The following IQGAP2 variants were observed in gnomAD, a reference collection of about 807,000 sequenced individuals.
IQGAP2 encodes ras GTPase-activating-like protein IQGAP2.
A neutral mutation model predicts 201.3 loss-of-function variants in IQGAP2; 173 were observed. The observed-to-expected ratio is 0.86, with a 90% CI of 0.76 to 0.98. The LOEUF is 0.98. IQGAP2 is among the 50% of genes least tolerant of loss of function. The probability of loss-of-function intolerance (pLI) is 0.00; values close to 1 mark genes in which losing one functional copy is unlikely to be tolerated. For synonymous variants in IQGAP2, 675 were observed against 673.9 expected (o/e 1.00, Z -0.03); for missense variants, 1,687 against 1,864.8 (o/e 0.90, Z 1.76).
chr5:76,503,594 TTTTA>T (rs1757421399), intron 2 of IQGAP2, among the ~76,000 whole-genome samples: 1 of 151,934 alleles, frequency 6.6e-6, no homozygotes, highest in Non-Finnish European at 1.5e-5. Context: ...TTTTTAAAAA[TTTTA>T]TTTATTTTTT....
rs115687645 is a variant in IQGAP2, at chr5:76,625,868, A to G, written c.1522-1542A>G. On this transcript the variant is annotated intron_variant, in intron 13 of 35. Transcript: ENST00000274364. ...TAGAACACGACACTTATTCCTACACATAGGTAAAATGTTCCCATTTGTTAA... is the reference window on the plus strand; with the variant it reads ...TAGAACACGACACTTATTCCTACACGTAGGTAAAATGTTCCCATTTGTTAA... 7.9e-3 allele frequency among the ~76,000 whole-genome samples: 1,200 copies of G among 152,334 alleles called. 15 individuals are homozygous for G. The highest frequency in any genetic ancestry group is 0.027 in the African/African-American group (1,127 of 41,568).
chr5:76,633,449 A>G (rs1022641712), intron 15 of IQGAP2, among the ~76,000 whole-genome samples: 4 of 152,116 alleles, frequency 2.6e-5, no homozygotes, highest in African/African-American at 7.2e-5. Context: ...TAAGTATTTT[A>G]TCATTTTTAT....
chr5:76,430,328 A>G (rs1447086820), intron 1 of IQGAP2, among the ~76,000 whole-genome samples: 1 of 152,188 alleles, frequency 6.6e-6, no homozygotes, highest in Non-Finnish European at 1.5e-5. Flanking sequence ...GGGGGCTGGA[A>G]TCATCTGGAA....
intron 25 of IQGAP2, 128 bp downstream of exon 25, chr5:76,673,717 C>T (rs962196472): frequency 3.0e-6 from 3 of 997,688 alleles, no homozygotes; most frequent in Non-Finnish European, 3.0e-6. Context: ...AAAAGATTGC[C>T]TACATTTACC....
chr5:76,437,688 C>A (rs992663407), intron 1 of IQGAP2, among the ~76,000 whole-genome samples: 2 of 152,152 alleles, frequency 1.3e-5, no homozygotes, highest in Admixed American at 1.3e-4. Context: ...CATCCATGTC[C>A]CTGCAAAGGA....
At chr5:76,676,200 ATTCT>A (rs1235995061) in intron 27 of IQGAP2, among the ~76,000 whole-genome samples, 1 of 152,042 alleles carries the variant, frequency 6.6e-6, no homozygotes, top group Non-Finnish European at 1.5e-5. Flanking sequence ...GTTCCCACCT[ATTCT>A]TTATTTAAAA....
chr5:76,647,823 CCACACACACACA>C (rs374577768), intron 17 of IQGAP2, among the ~76,000 whole-genome samples: 18 of 62,582 alleles, frequency 2.9e-4, no homozygotes, highest in African/African-American at 7.7e-4. Context: ...TAGCCAAACA[CCACACACACACA>C]CACACACACA....
At chr5:76,429,355 G>A (rs972795603) in intron 1 of IQGAP2, among the ~76,000 whole-genome samples, 13 of 151,338 alleles carry the variant, frequency 8.6e-5, no homozygotes, top group African/African-American at 2.4e-4. Flanking sequence ...GGCAGATCAC[G>A]AGGTCCGGAG....
In IQGAP2 at chr5:76,403,453, C is replaced by T; in HGVS notation, c.-93C>T. On this transcript the variant is annotated 5_prime_UTR_variant, in exon 1 of 36. Transcript: ENST00000274364. The surrounding 1 kb of genome is among the most constrained non-coding windows in gnomAD (Gnocchi z 4.8). ...GGGGAAATCGGCGAGAGGCGGGATC[C>T]GAGCGCGCCGGCGGGGCGCAGAGCC... 2.0e-6 allele frequency: 2 copies of T among 983,212 alleles called. No individual in the cohort carries two copies. Among genetic ancestry groups the T allele is most frequent in the East Asian group, 3.4e-5 (1 of 29,666 alleles). The allele number at this position is 983,212 out of a possible 1,614,324, so 60.9% of individuals were successfully genotyped here.
At chr5:76,629,457 T>C (rs2910822) in intron 14 of IQGAP2, among the ~76,000 whole-genome samples, 140,633 of 152,282 alleles carry the variant, frequency 0.92, 65,189 homozygotes, top group Middle Eastern at 0.97. Flanking sequence ...CATTTTGGCC[T>C]AGTGTTCACA....
chr5:76,703,190 C>T (rs1747573034), intron 35 of IQGAP2, among the ~76,000 whole-genome samples: 2 of 151,950 alleles, frequency 1.3e-5, no homozygotes, highest in South Asian at 4.2e-4. Context: ...GGGTCTTGCT[C>T]TGTCGCCCAG....
rs185129010 is a variant in IQGAP2, at chr5:76,618,332, G to A, written c.1521+7149G>A. 2.2e-5 allele frequency: 35 copies of A among 1,614,174 alleles called. No homozygotes were observed. The East Asian group carries it at 7.6e-4, about 35-fold the overall frequency. On this transcript the variant is annotated intron_variant, in intron 13 of 35. Transcript: ENST00000274364. The stretch of plus-strand genomic sequence containing the variant: ...TGGTGTAGAATACAGTGGTACAGAT[G>A]GATCTGGTCCTGAAGAAAAGCATCC...
rs11369662 is a variant in IQGAP2 at position 76,513,060 on chromosome 5, GAAAAAA to G, written c.147-49330_147-49325del. 2.4e-3 allele frequency among the ~76,000 whole-genome samples: 354 copies of G among 147,654 alleles called. 1 individual carries two copies. The highest frequency in any genetic ancestry group is 8.4e-3 in the African/African-American group (339 of 40,316). ...ACAGAGTCAGAGTCTGTCTCAAAAA[GAAAAAA>G]AAAAAGAAAAAAGAAAAGAAATGTT... On this transcript the variant is annotated intron_variant, in intron 2 of 35. Transcript: ENST00000274364.
intron 2 of IQGAP2, among the ~76,000 whole-genome samples, chr5:76,527,277 A>G (rs1759030234): frequency 6.6e-6 from 1 of 152,226 alleles, no homozygotes; most frequent in Non-Finnish European, 1.5e-5. Flanking sequence ...GGGTCTAAAC[A>G]GCTTCAAGAA....
intron 21 of IQGAP2, among the ~76,000 whole-genome samples, chr5:76,664,368 A>T (rs1743535957): frequency 6.6e-6 from 1 of 152,216 alleles, no homozygotes; most frequent in Admixed American, 6.5e-5. Flanking sequence ...GGCACCCCAA[A>T]ACAATTACAA....
intron 32 of IQGAP2, among the ~76,000 whole-genome samples, chr5:76,697,455 C>T (rs1374867943): frequency 6.6e-6 from 1 of 152,120 alleles, no homozygotes; most frequent in Non-Finnish European, 1.5e-5. Flanking sequence ...ACCAGCCTGA[C>T]CAACATGGTG....
intron 16 of IQGAP2, 95 bp from the exon 17 acceptor site, chr5:76,640,838 A>G (rs1400743320): frequency 2.2e-6 from 2 of 926,400 alleles, no homozygotes; most frequent in Non-Finnish European, 3.2e-6. Context: ...GGAGACATCC[A>G]TATTATTTTC....
At chr5:76,550,667 G>T (rs750698996) in intron 2 of IQGAP2, among the ~76,000 whole-genome samples, 1 of 152,118 alleles carries the variant, frequency 6.6e-6, no homozygotes, top group African/African-American at 2.4e-5. Flanking sequence ...CACGGGGTTG[G>T]GGGTAGGGTC....
At chr5:76,451,719 T>A (rs1021621518) in intron 1 of IQGAP2, among the ~76,000 whole-genome samples, 9 of 152,212 alleles carry the variant, frequency 5.9e-5, no homozygotes, top group Admixed American at 1.3e-4. Context: ...TATTATTATT[T>A]TTTTTTCTGC....
Sources: gnomAD v4.1 joint callset for allele counts (sites outside exome capture counted in the v4.1 genomes callset) on GRCh38, gnomAD v4.1.1 for gene constraint, Gnocchi (gnomAD v3.1) non-coding constraint, MANE v1.5 for transcripts, NCBI Gene and HGNC (gene_info 2026-07-23, HGNC 2026-07-21) for gene names.